Variants in NRIP1 observed in about 807,000 individuals in gnomAD.
NRIP1 encodes nuclear receptor-interacting protein 1.
Under a neutral mutation model 75.0 loss-of-function variants are expected in NRIP1, and 28 were observed. That is an observed-to-expected ratio of 0.37 (90% CI 0.28 to 0.51). The LOEUF is 0.51. Ranked by LOEUF, NRIP1 falls within the 20% of genes least tolerant of loss-of-function variation. NRIP1 has a pLI of 0.92. For synonymous variants in NRIP1, 526 were observed against 487.6 expected, an observed-to-expected ratio of 1.08 and a Z score of -1.04; for missense variants, 1,435 against 1,343.7, an observed-to-expected ratio of 1.07 and a Z score of -1.06.
At chr21:15,009,145 G>A (rs1051886614) in intron 3 of NRIP1, among the ~76,000 whole-genome samples, 1 of 152,030 alleles carries the variant, frequency 6.6e-6, no homozygotes, top group African/African-American at 2.4e-5. Context: ...CTATAATTAT[G>A]GCAGATAAAT....
chr21:15,065,207 CT>C, upstream of NRIP1, among the ~76,000 whole-genome samples: 2 of 152,216 alleles, frequency 1.3e-5, no homozygotes, highest in South Asian at 4.1e-4. Flanking sequence ...CTCACAGGAG[CT>C]GCGGAACCCC....
chr21:15,051,797 T>C (rs1032407319), intron 1 of NRIP1: 1 of 152,176 alleles, frequency 6.6e-6, no homozygotes, highest in Non-Finnish European at 1.5e-5. Flanking sequence ...TGGCCAGAAG[T>C]GTCTGGCATG....
At chr21:15,053,054 T>C (rs2089235741) in intron 1 of NRIP1, among the ~76,000 whole-genome samples, 1 of 152,214 alleles carries the variant, frequency 6.6e-6, no homozygotes, top group African/African-American at 2.4e-5. Context: ...TTCTCAATAT[T>C]AACAAATATT....
intron 3 of NRIP1, among the ~76,000 whole-genome samples, chr21:14,995,962 C>G (rs1475206246): frequency 6.6e-6 from 1 of 152,138 alleles, no homozygotes; most frequent in African/African-American, 2.4e-5. Context: ...TCAACTGGCT[C>G]CAGTGCATCT....
chr21:14,975,931 T>C (rs1280283265), intron 3 of NRIP1, among the ~76,000 whole-genome samples: 3 of 152,304 alleles, frequency 2.0e-5, no homozygotes, highest in Admixed American at 6.5e-5. Context: ...TGGACATATA[T>C]AGTAACAGCA....
intron 3 of NRIP1, among the ~76,000 whole-genome samples, chr21:14,984,445 G>A (rs1430638037): frequency 6.6e-6 from 1 of 150,442 alleles, no homozygotes; most frequent in African/African-American, 2.4e-5. Context: ...TTACAGGCAT[G>A]AGCCACTACA....
At chr21:15,039,656 TA>T (rs1238314577) in intron 2 of NRIP1, among the ~76,000 whole-genome samples, 1 of 152,080 alleles carries the variant, frequency 6.6e-6, no homozygotes, top group East Asian at 1.9e-4. Context: ...CCTATTTTAT[TA>T]AATATGGTGG....
Position 14,965,163 on chromosome 21 carries a change from C to CA in NRIP1, c.3029dup (p.Ser1011GlufsTer6), listed in dbSNP as rs1297676599. 6 of 1,613,032 alleles carry CA rather than the reference C, an allele frequency of 3.7e-6. No homozygotes were observed. The highest frequency in any genetic ancestry group is 5.1e-6 in the Non-Finnish European group (6 of 1,179,922). On this transcript the variant is annotated frameshift_variant, in exon 4 of 4. Coordinates refer to ENST00000318948, the MANE Select transcript of NRIP1 (RefSeq NM_003489.4). LOFTEE classifies it high-confidence loss of function. ...CCAAGTGCTCAGGGAAAGTAGGACTCACAGGAGTTTTTACTACACCTGGGT... is the reference window on the plus strand; with the variant it reads ...CCAAGTGCTCAGGGAAAGTAGGACTCAACAGGAGTTTTTACTACACCTGGGT...
intron 2 of NRIP1, among the ~76,000 whole-genome samples, chr21:15,033,923 TTAC>T (rs1449046877): frequency 6.6e-6 from 1 of 152,210 alleles, no homozygotes; most frequent in Non-Finnish European, 1.5e-5. Flanking sequence ...AACCATCTGT[TTAC>T]AAATCATTCA....
intron 3 of NRIP1, among the ~76,000 whole-genome samples, chr21:14,983,444 C>T (rs921950280): frequency 6.6e-6 from 1 of 152,104 alleles, no homozygotes; most frequent in Non-Finnish European, 1.5e-5. Flanking sequence ...AGAGGTGGCT[C>T]ATACGATTTA....
At chr21:15,052,877 A>T (rs563301433) in intron 1 of NRIP1, among the ~76,000 whole-genome samples, 2 of 152,336 alleles carry the variant, frequency 1.3e-5, no homozygotes, top group African/African-American at 4.8e-5. Context: ...AAAGGTTCCT[A>T]CCACTCTCAC....
intron 3 of NRIP1, among the ~76,000 whole-genome samples, chr21:14,999,958 A>G (rs1433249764): frequency 6.6e-6 from 1 of 152,242 alleles, no homozygotes; most frequent in Admixed American, 6.5e-5. Context: ...ATATTGGTTA[A>G]TAAGCATAAT....
At chr21:14,983,728 C>G (rs1227698672) in intron 3 of NRIP1, among the ~76,000 whole-genome samples, 1 of 152,170 alleles carries the variant, frequency 6.6e-6, no homozygotes, top group African/African-American at 2.4e-5. Context: ...GAGGTTGAAG[C>G]CAATGCTCAT....
intron 3 of NRIP1, among the ~76,000 whole-genome samples, chr21:15,003,013 C>T (rs1051713099): frequency 6.6e-6 from 1 of 151,990 alleles, no homozygotes; most frequent in African/African-American, 2.4e-5. Context: ...TATGGCATCA[C>T]GGTGGTATGG....
At chr21:14,983,752 A>T (rs949950200) in intron 3 of NRIP1, among the ~76,000 whole-genome samples, 2 of 152,184 alleles carry the variant, frequency 1.3e-5, no homozygotes, top group Non-Finnish European at 2.9e-5. Context: ...CCATTCCAAA[A>T]ATCCTAAACC....
intron 2 of NRIP1, among the ~76,000 whole-genome samples, chr21:15,036,590 T>G (rs1225041014): frequency 6.6e-6 from 1 of 151,570 alleles, no homozygotes; most frequent in Non-Finnish European, 1.5e-5. Flanking sequence ...TTTTGGGGGT[T>G]TTTTTGGAGG....
At chr21:14,985,294 T>C (rs374297121) in intron 3 of NRIP1, among the ~76,000 whole-genome samples, 136 of 152,356 alleles carry the variant, frequency 8.9e-4, no homozygotes, top group African/African-American at 3.2e-3. Flanking sequence ...ATTAAAATGA[T>C]ATGACAATGT....
chr21:15,038,616 T>G (rs2088884966), intron 2 of NRIP1, among the ~76,000 whole-genome samples: 1 of 152,102 alleles, frequency 6.6e-6, no homozygotes, highest in African/African-American at 2.4e-5. Context: ...ACTTCATATT[T>G]ACATATTACC....
At chr21:14,997,784 T>C (rs950026379) in intron 3 of NRIP1, among the ~76,000 whole-genome samples, 5 of 151,312 alleles carry the variant, frequency 3.3e-5, no homozygotes, top group African/African-American at 1.2e-4. Flanking sequence ...CCAGGTATTA[T>C]ACATTTGTCT....
Sources: gnomAD v4.1 joint callset for allele counts (sites outside exome capture counted in the v4.1 genomes callset) on GRCh38, gnomAD v4.1.1 for gene constraint, MANE v1.5 for transcripts, NCBI Gene and HGNC (gene_info 2026-07-23, HGNC 2026-07-21) for gene names.